PLCL1: variants seen among roughly 807,000 people sequenced by gnomAD.
The protein encoded by PLCL1 is inactive phospholipase C-like protein 1.
In PLCL1, 41 loss-of-function variants were observed where a neutral mutation model predicts 84.4. The observed-to-expected ratio is 0.49, with a 90% CI of 0.38 to 0.63. PLCL1 has a LOEUF of 0.63. Ranked by LOEUF, PLCL1 falls within the 30% of genes least tolerant of loss-of-function variation. The probability of loss-of-function intolerance (pLI) is 0.00; values close to 1 mark genes in which losing one functional copy is unlikely to be tolerated. For missense variants in PLCL1, 1,206 were observed against 1,367.8 expected (o/e 0.88, Z 1.87); for synonymous variants, 490 against 488.3 (o/e 1.00, Z -0.05).
At chr2:197,996,740 C>T (rs974428664) in intron 1 of PLCL1, among the ~76,000 whole-genome samples, 5 of 152,156 alleles carry the variant, frequency 3.3e-5, no homozygotes, top group Non-Finnish European at 7.3e-5. Flanking sequence ...ACACTCCCCT[C>T]ACAGAGAAAT....
At chr2:197,808,189 C>T (rs1420174186) in intron 1 of PLCL1, among the ~76,000 whole-genome samples, 1 of 152,150 alleles carries the variant, frequency 6.6e-6, no homozygotes, top group Non-Finnish European at 1.5e-5. Context: ...GTTTCAACAG[C>T]ATTGACATTG....
At chr2:197,853,831 C>A (rs1358751612) in intron 1 of PLCL1, among the ~76,000 whole-genome samples, 1 of 152,252 alleles carries the variant, frequency 6.6e-6, no homozygotes, top group African/African-American at 2.4e-5. Flanking sequence ...TAGGGATTAT[C>A]TCTTCATTCT....
At chr2:197,911,691 C>T (rs1004731069) in intron 1 of PLCL1, among the ~76,000 whole-genome samples, 1 of 152,080 alleles carries the variant, frequency 6.6e-6, no homozygotes, top group African/African-American at 2.4e-5. Flanking sequence ...TGAGGAATGC[C>T]TAATACCCTG....
intron 1 of PLCL1, among the ~76,000 whole-genome samples, chr2:198,013,614 G>A (rs75910074): frequency 0.025 from 3,796 of 152,136 alleles, 169 homozygotes; most frequent in African/African-American, 0.086. Flanking sequence ...CTGAGAAAGC[G>A]TATCATAGGT....
chr2:197,881,442 C>T (rs989386994), intron 1 of PLCL1, among the ~76,000 whole-genome samples: 1 of 151,974 alleles, frequency 6.6e-6, no homozygotes, highest in Non-Finnish European at 1.5e-5. Flanking sequence ...TCTTAGGCAT[C>T]TAGTTTGGAC....
At position 197,978,241 on chromosome 2, in the gene PLCL1, C is replaced by T. The variant is rs111997048; in HGVS notation, c.241-105517C>T. 6.5e-3 allele frequency among the ~76,000 whole-genome samples: 990 copies of T among 152,290 alleles called. 15 individuals carry two copies. Among genetic ancestry groups the T allele is most frequent in the African/African-American group, 0.023 (942 of 41,550 alleles). On this transcript the variant is annotated intron_variant, in intron 1 of 5. Transcript: ENST00000428675. ...CCTGTAATCCCAGAACTTTGGGAGG[C>T]CGAGGCGGGCAGATCATGAGGTCAG...
At chr2:197,912,919 T>C in intron 1 of PLCL1, among the ~76,000 whole-genome samples, 1 of 145,180 alleles carries the variant, frequency 6.9e-6, no homozygotes, top group Non-Finnish European at 1.5e-5. Flanking sequence ...ACCTGCACAA[T>C]GTGCACATGT....
intron 1 of PLCL1, among the ~76,000 whole-genome samples, chr2:197,843,198 A>T (rs1687045173): frequency 6.6e-6 from 1 of 152,176 alleles, no homozygotes; most frequent in African/African-American, 2.4e-5. Flanking sequence ...CCAGGTCAGC[A>T]AGAGATTGCA....
chr2:197,897,018 G>A (rs1426356614), intron 1 of PLCL1, among the ~76,000 whole-genome samples: 3 of 152,020 alleles, frequency 2.0e-5, no homozygotes, highest in Non-Finnish European at 4.4e-5. Flanking sequence ...ACTATATACT[G>A]CTTTTAGTAT....
At chr2:197,877,502 A>G (rs1167270319) in intron 1 of PLCL1, among the ~76,000 whole-genome samples, 1 of 152,116 alleles carries the variant, frequency 6.6e-6, no homozygotes, top group Non-Finnish European at 1.5e-5. Flanking sequence ...TTTCCGCATC[A>G]TCTTAACATT....
Position 198,013,179 on chromosome 2 carries a change from T to C in PLCL1, c.241-70579T>C, listed in dbSNP as rs532638226. ...GCCTGGGGTGCAGGATCCTTTTAACTGGTTTCTAGATTTCTCTCAGGGGCA... is the reference window on the plus strand; with the variant it reads ...GCCTGGGGTGCAGGATCCTTTTAACCGGTTTCTAGATTTCTCTCAGGGGCA... On this transcript the variant is annotated intron_variant, in intron 1 of 5. Transcript: ENST00000428675. Among the ~76,000 whole-genome samples, 7 of 152,260 alleles carry C rather than the reference T, an allele frequency of 4.6e-5. 1 individual carries two copies. In the South Asian group the frequency reaches 1.4e-3, roughly 32 times the overall value.
At chr2:197,900,381 T>C (rs1331207950) in intron 1 of PLCL1, among the ~76,000 whole-genome samples, 2 of 152,176 alleles carry the variant, frequency 1.3e-5, no homozygotes, top group African/African-American at 4.8e-5. Flanking sequence ...GAAATAGTGA[T>C]TAAGATGGAA....
At chr2:197,827,347 T>A (rs1405644450) in intron 1 of PLCL1, among the ~76,000 whole-genome samples, 1 of 152,108 alleles carries the variant, frequency 6.6e-6, no homozygotes, top group Non-Finnish European at 1.5e-5. Flanking sequence ...GATGACACTG[T>A]GTGTATATAT....
At chr2:198,146,443 G>C (rs981521370) in intron 5 of PLCL1, among the ~76,000 whole-genome samples, 2 of 152,150 alleles carry the variant, frequency 1.3e-5, no homozygotes, top group African/African-American at 2.4e-5. Flanking sequence ...GGGCGGGGTA[G>C]GTATTGCAGC....
rs1687494190 is a variant in PLCL1 at position 197,864,620 on chromosome 2, A to G, written c.240+59281A>G. Among the ~76,000 whole-genome samples, 6 of 151,852 alleles carry G rather than the reference A, an allele frequency of 4.0e-5. No individual in the cohort carries two copies. The South Asian group carries it at 1.0e-3, about 26-fold the overall frequency. ...CTCAGCCTCCCAAGTAGCTGGGACT[A>G]CAGGTGTGTGCCACCATGCCTGGCT... On this transcript the variant is annotated intron_variant, in intron 1 of 5. Coordinates refer to ENST00000428675, the MANE Select transcript of PLCL1 (RefSeq NM_006226.4).
intron 1 of PLCL1, among the ~76,000 whole-genome samples, chr2:197,908,671 C>T (rs568392118): frequency 2.8e-4 from 43 of 152,164 alleles, no homozygotes; most frequent in African/African-American, 8.7e-4. Context: ...ACCTTAGACC[C>T]GATAAGCATT....
At chr2:198,106,511 T>C (rs976502895) in intron 5 of PLCL1, among the ~76,000 whole-genome samples, 4 of 151,884 alleles carry the variant, frequency 2.6e-5, no homozygotes, top group African/African-American at 9.7e-5. Flanking sequence ...AAGAGGTGCT[T>C]ATTATAACCC....
Position 197,983,200 on chromosome 2 carries a change from C to CTTTTTTTTTTTTTTTTTTTTTTT in PLCL1, c.241-100541_241-100519dup, listed in dbSNP as rs760577848. Among the ~76,000 whole-genome samples, 66 of 60,284 alleles carry CTTTTTTTTTTTTTTTTTTTTTTT rather than the reference C, an allele frequency of 1.1e-3. 9 individuals are homozygous for CTTTTTTTTTTTTTTTTTTTTTTT. Among genetic ancestry groups the CTTTTTTTTTTTTTTTTTTTTTTT allele is most frequent in the Non-Finnish European group, 1.5e-3 (50 of 33,150 alleles). The allele number at this position is 60,284 out of a possible 152,430, so 39.5% of individuals were successfully genotyped here. ...TTTCTTTTTCTTTTTCTTTTCTTTT[C>CTTTTTTTTTTTTTTTTTTTTTTT]TTTTTTTTTTTTTTTTTTTTTTTTT... On this transcript the variant is annotated intron_variant, in intron 1 of 5. Transcript: ENST00000428675.
chr2:197,906,578 G>GT (rs1331181488), intron 1 of PLCL1, among the ~76,000 whole-genome samples: 1 of 152,110 alleles, frequency 6.6e-6, no homozygotes, highest in Non-Finnish European at 1.5e-5. Flanking sequence ...GTTTAAACTA[G>GT]TTTTTTCTAA....
Sources: gnomAD v4.1 joint callset for allele counts (sites outside exome capture counted in the v4.1 genomes callset) on GRCh38, gnomAD v4.1.1 for gene constraint, MANE v1.5 for transcripts, NCBI Gene and HGNC (gene_info 2026-07-23, HGNC 2026-07-21) for gene names.